Variants in CTSD observed in about 807,000 individuals in gnomAD.
CTSD encodes cathepsin D, also known as ceroid-lipofuscinosis, neuronal 10.
A neutral mutation model predicts 43.6 loss-of-function variants in CTSD; 28 were observed. The ratio of observed to expected loss-of-function variants is 0.64; its 90% CI spans 0.48 to 0.88. The LOEUF (loss-of-function observed/expected upper bound fraction) is 0.88. Among genes scored for constraint, CTSD ranks in the 40% least tolerant of loss-of-function variants. The probability of loss-of-function intolerance (pLI) is 0.00; values close to 1 mark genes in which losing one functional copy is unlikely to be tolerated. For synonymous variants in CTSD, 270 were observed against 249.8 expected (o/e 1.08, Z -0.76); for missense variants, 485 against 555.2 (o/e 0.87, Z 1.27).
chr11:1,759,212 T>G (rs541668576), intron 3 of CTSD, 125 bp from the exon 4 acceptor site: 2 of 919,152 alleles, frequency 2.2e-6, no homozygotes, highest in East Asian at 4.8e-5. Context: ...AGGGTGGGAT[T>G]TGGAGGGGAT....
intron 6 of CTSD, 127 bp from the exon 7 acceptor site, chr11:1,754,265 C>T (rs1321239712): frequency 5.2e-6 from 6 of 1,149,810 alleles, no homozygotes; most frequent in Admixed American, 4.1e-5. Context: ...CCTGGAAGCA[C>T]AGCCGGCTGT....
In CTSD at chr11:1,757,457, T is replaced by C. The variant is rs750166391; in HGVS notation, c.571A>G (p.Ile191Val). ...AGGATGCCATCGAACTTGGCTGCGATGAAGGTGATGCCTGGCTGCTTGGTG... is the reference window on the plus strand; with the variant it reads ...AGGATGCCATCGAACTTGGCTGCGACGAAGGTGATGCCTGGCTGCTTGGTG... ...EATKQPGITF[I>V]AAKFDGILGM... The change falls in exon 5 of 9, where the codon ATC (isoleucine) becomes GTC (valine). Residue 191 changes from isoleucine to valine, a missense_variant. By Grantham distance (29) the Ile-to-Val change is conservative. Coordinates refer to ENST00000236671, the MANE Select transcript of CTSD (RefSeq NM_001909.5). The C allele has an allele frequency of 3.7e-6, 6 of 1,614,068 alleles. No homozygotes were observed. The Admixed American group carries it at 1.0e-4, about 27-fold the overall frequency.
At position 1,759,069 on chromosome 11, in the gene CTSD, T is replaced by C. The variant is rs375052866; in HGVS notation, c.371A>G (p.Asn124Ser). The C allele has an allele frequency of 7.4e-6, 12 of 1,613,928 alleles. No individual in the cohort carries two copies. In the South Asian group the frequency reaches 8.8e-5, roughly 12 times the overall value. ...CACGTAGGTGCTGGACTTGTCGCTG[T>C]TGTACTTGTGGTGGATCCCTGCCCC... ...DIACWIHHKYNSDKSSTYVKN... is the reference protein window; with the variant it reads ...DIACWIHHKYSSDKSSTYVKN... The change falls in exon 4 of 9, where the codon AAC (asparagine) becomes AGC (serine). Residue 124 changes from asparagine to serine, a missense_variant. Asn to Ser is a conservative substitution (Grantham distance 46, BLOSUM62 1). Transcript: ENST00000236671.
rs1590904028 is a variant in CTSD at position 1,754,060 on chromosome 11, C to T, written c.906G>A (p.Val302=). 6.2e-7 allele frequency: 1 copy of T among 1,611,524 alleles called. No individual in the cohort carries two copies. The highest frequency in any genetic ancestry group is 8.5e-7 in the Non-Finnish European group (1 of 1,179,594). The change falls in exon 7 of 9, where the codon GTG becomes GTA. Residue 302 remains valine (V), a synonymous_variant. Transcript: ENST00000236671. ...GCTCGCGCACCTCATCCACCGGGCC[C>T]ACCATGAGGGAAGTGCCTGTGTCCA... ...AIVDTGTSLM[V]GPVDEVRELQ...
intron 6 of CTSD, chr11:1,754,385 A>AGAGGGATGGAGGGGCATG: frequency 9.0e-6 from 4 of 445,502 alleles, no homozygotes; most frequent in Non-Finnish European, 1.6e-5. Flanking sequence ...GGAGGGGCAT[A>AGAGGGATGGAGGGGCATG]GAGGGATGGA....
intron 6 of CTSD, among the ~76,000 whole-genome samples, chr11:1,754,640 G>A (rs1845786700): frequency 6.8e-6 from 1 of 148,058 alleles, no homozygotes; most frequent in African/African-American, 2.5e-5. Flanking sequence ...GGGATGGACA[G>A]AAGGGATGGT....
chr11:1,753,657 C>T lies in CTSD; in HGVS notation c.1085G>A (p.Gly362Glu). The stretch of plus-strand genomic sequence containing the variant: ...GAAGCCGCTCAGGCAGAGGGTCTTC[C>T]CGGCCTGCGACACCTGGGACGGCCC... ...EDYTLKVSQA[G>E]KTLCLSGFMG... The change falls in exon 9 of 9, where the codon GGG (glycine) becomes GAG (glutamate). Residue 362 changes from glycine to glutamate, a missense_variant. Coordinates refer to ENST00000236671, the MANE Select transcript of CTSD (RefSeq NM_001909.5). 6.2e-7 allele frequency: 1 copy of T among 1,612,886 alleles called. No individual in the cohort carries two copies. Among genetic ancestry groups the T allele is most frequent in the Non-Finnish European group, 8.5e-7 (1 of 1,179,848 alleles).
At chr11:1,763,651 A>T in intron 1 of CTSD, 141 bp downstream of exon 1, 3 of 798,930 alleles carry the variant, frequency 3.8e-6, no homozygotes. Flanking sequence ...GAGGCCGCGC[A>T]GGGCGGCACA....
chr11:1,756,838 C>T (rs1590906004), intron 5 of CTSD, among the ~76,000 whole-genome samples: 1 of 152,204 alleles, frequency 6.6e-6, no homozygotes, highest in Non-Finnish European at 1.5e-5. Context: ...GGGACGCCCA[C>T]AGAGCTGCTC....
chr11:1,754,541 AGGGATGGAG>A (rs1222799225), intron 6 of CTSD, among the ~76,000 whole-genome samples: 14 of 35,254 alleles, frequency 4.0e-4, no homozygotes, highest in South Asian at 1.0e-3. Context: ...GGAGGGATGG[AGGGATGGAG>A]GGGATGGAGG....
chr11:1,759,476 G>T (rs779664731), intron 3 of CTSD, 40 bp downstream of exon 3: 1 of 1,611,640 alleles, frequency 6.2e-7, no homozygotes, highest in South Asian at 1.1e-5. Context: ...CATCCCGGAA[G>T]GGCAGGACCT....
At chr11:1,754,672 G>A (rs962159214) in intron 6 of CTSD, among the ~76,000 whole-genome samples, 9 of 149,668 alleles carry the variant, frequency 6.0e-5, no homozygotes, top group Admixed American at 2.0e-4. Flanking sequence ...AGTCACAGAG[G>A]CATGGAGGAA....
chr11:1,754,756 T>C (rs903543075), intron 6 of CTSD, 150 bp downstream of exon 6: 41 of 966,752 alleles, frequency 4.2e-5, no homozygotes, highest in Non-Finnish European at 6.4e-5. Context: ...AGGAGGGGCA[T>C]GGAGGGCTGG....
At chr11:1,759,702 G>C (rs1323468878) in intron 2 of CTSD, 63 bp from the exon 3 acceptor site, 2 of 1,547,834 alleles carry the variant, frequency 1.3e-6, no homozygotes, top group African/African-American at 2.7e-5. Flanking sequence ...CTGGGCCTCA[G>C]AAGGCCCGGC....
chr11:1,757,578 G>C, intron 4 of CTSD, 22 bp from the exon 5 acceptor site: 2 of 1,584,436 alleles, frequency 1.3e-6, no homozygotes, highest in South Asian at 1.1e-5. Flanking sequence ...GGCAGAGTCA[G>C]TGGGCAGCAG....
At chr11:1,758,840 G>A (rs1845839975) in intron 4 of CTSD, 129 bp downstream of exon 4, 2 of 781,138 alleles carry the variant, frequency 2.6e-6, no homozygotes, top group South Asian at 2.7e-5. Context: ...CCTGCTGACT[G>A]CCCCGGCCAC....
At chr11:1,756,454 CCAA>C (rs1845810361) in intron 5 of CTSD, among the ~76,000 whole-genome samples, 1 of 152,190 alleles carries the variant, frequency 6.6e-6, no homozygotes, top group African/African-American at 2.4e-5. Flanking sequence ...CGGAAGCGAT[CCAA>C]GGTTAGGGGT....
At chr11:1,758,769 G>A (rs1265366559) in intron 4 of CTSD, among the ~76,000 whole-genome samples, 200 bp downstream of exon 4, 4 of 152,096 alleles carry the variant, frequency 2.6e-5, no homozygotes, top group Non-Finnish European at 4.4e-5. Context: ...TGTACCCCCT[G>A]GGTTTGAGGC....
intron 6 of CTSD, among the ~76,000 whole-genome samples, 156 bp downstream of exon 6, chr11:1,754,750 G>T (rs1253001191): frequency 6.7e-6 from 1 of 149,844 alleles, no homozygotes; most frequent in Non-Finnish European, 1.5e-5. Flanking sequence ...GGGGCAAGGA[G>T]GGGCATGGAG....
Sources: gnomAD v4.1 joint callset for allele counts (sites outside exome capture counted in the v4.1 genomes callset) on GRCh38, gnomAD v4.1.1 for gene constraint, MANE v1.5 for transcripts, NCBI Gene and HGNC (gene_info 2026-07-23, HGNC 2026-07-21) for gene names.